PPP1R3D: variants seen among roughly 807,000 people sequenced by gnomAD.
PPP1R3D encodes the protein PP1 subunit R6.
Under a neutral mutation model 16.3 loss-of-function variants are expected in PPP1R3D, and 27 were observed. That is an observed-to-expected ratio of 1.66 (90% CI 1.22 to 2.29). The LOEUF (loss-of-function observed/expected upper bound fraction) is 2.29. PPP1R3D is among the 30% of genes most tolerant of loss of function. PPP1R3D has a pLI of 0.00. For missense variants in PPP1R3D, 472 were observed against 438.3 expected (o/e 1.08, Z -0.69); for synonymous variants, 223 against 209.7 (o/e 1.06, Z -0.55).
rs763363814 is a variant in PPP1R3D at position 59,939,530 on chromosome 20, C to G, written c.402G>C (p.Arg134=). The G allele has an allele frequency of 1.4e-5, 22 of 1,611,910 alleles. 1 individual carries two copies. In the African/African-American group the frequency reaches 1.9e-4, roughly 14 times the overall value. The stretch of plus-strand genomic sequence containing the variant: ...AGCACAGGTCCGAGTTGATTGCGAG[C>G]CGCGACAGCACGTGCAGCGGCACGG... ...DPSVPLHVLS[R]LAINSDLCCS... is the part of the protein sequence containing the mutation. Residue 134 remains arginine (R), a synonymous_variant, in exon 1 of 1, where the codon CGG becomes CGC. Transcript: ENST00000370996.
chr20:59,939,159 C>G lies in PPP1R3D; in HGVS notation c.773G>C (p.Arg258Pro). ...GTACTCGGCACCCGCCACTTGGTAG[C>G]GCACCGCGAAGTGCACGCGGGAGCC... ...ELGSRVHFAV[R>P]YQVAGAEYWD... is the part of the protein sequence containing the mutation. The change falls in exon 1 of 1, where the codon CGC becomes CCC. Residue 258 changes from arginine (R) to proline (P), a missense_variant. By Grantham distance (103) the Arg-to-Pro change is moderately radical. Coordinates refer to ENST00000370996, the MANE Select transcript of PPP1R3D (RefSeq NM_006242.4). 1 of 1,611,478 alleles carries G rather than the reference C, an allele frequency of 6.2e-7. No homozygotes were observed. The highest frequency in any genetic ancestry group is 1.1e-5 in the South Asian group (1 of 91,012).
Position 59,939,826 on chromosome 20 carries a change from G to A in PPP1R3D, c.106C>T (p.Leu36=). The change falls in exon 1 of 1, where the codon CTG becomes TTG. Residue 36 remains leucine, a synonymous_variant. Transcript: ENST00000370996. The part of the protein sequence containing the change: ...CLSDLDGGVA[L]EPRACRPPGS... ...GGGGGCCTACAGGCCCGCGGCTCCA[G>A]GGCCACGCCGCCGTCCAGGTCCGAC... is the stretch of plus-strand genomic sequence containing the variant. The A allele has an allele frequency of 2.4e-6, 3 of 1,237,242 alleles. No homozygotes were observed. The highest frequency in any genetic ancestry group is 3.0e-6 in the Non-Finnish European group (3 of 991,224). 76.6% of individuals were successfully genotyped at this position (1,237,242 alleles called of 1,614,324 possible). A position where few individuals can be genotyped will look rare whatever the true frequency, so the allele number is the denominator to read the frequency against.
Position 59,939,731 on chromosome 20 carries a change from G to C in PPP1R3D, c.201C>G (p.Ile67Met), listed in dbSNP as rs762410749. Residue 67 changes from isoleucine to methionine, a missense_variant, in exon 1 of 1, where the codon ATC becomes ATG. Coordinates refer to ENST00000370996, the MANE Select transcript of PPP1R3D (RefSeq NM_006242.4). ...PSGCDPRLRP[I>M]ILRRARSLPS... The stretch of plus-strand genomic sequence containing the variant: ...GCAGTGAGCGCGCCCGCCGCAGGAT[G>C]ATGGGCCGCAGGCGGGGGTCGCAGC... The C allele has an allele frequency of 1.0e-5, 13 of 1,255,770 alleles. No individual in the cohort carries two copies. The Admixed American group carries it at 1.3e-4, about 12-fold the overall frequency. 77.8% of individuals were successfully genotyped at this position (1,255,770 alleles called of 1,614,324 possible). A position where few individuals can be genotyped will look rare whatever the true frequency, so the allele number is the denominator to read the frequency against.
chr20:59,939,711 G>A lies in PPP1R3D; in HGVS notation c.221C>T (p.Ser74Leu). The change falls in exon 1 of 1, where the codon TCA (serine) becomes TTA (leucine). Residue 74 changes from serine (S) to leucine (L), a missense_variant. Ser to Leu is a moderately radical substitution (Grantham distance 145). Transcript: ENST00000370996. ...GCGGCGCTCGGGGGAGCTGGGCAGT[G>A]AGCGCGCCCGCCGCAGGATGATGGG... The part of the protein sequence containing the change: ...LRPIILRRAR[S>L]LPSSPERRQK... 6 of 1,323,310 alleles carry A rather than the reference G, an allele frequency of 4.5e-6. No individual in the cohort carries two copies. The highest frequency in any genetic ancestry group is 5.8e-6 in the Non-Finnish European group (6 of 1,043,240). 82.0% of individuals were successfully genotyped at this position (1,323,310 alleles called of 1,614,324 possible). A position where few individuals can be genotyped will look rare whatever the true frequency, so the allele number is the denominator to read the frequency against.
chr20:59,936,776 T>G lies in PPP1R3D; in HGVS notation c.*2256A>C, dbSNP rs1479192127. On this transcript the variant is annotated 3_prime_UTR_variant, in exon 1 of 1. Coordinates refer to ENST00000370996, the MANE Select transcript of PPP1R3D (RefSeq NM_006242.4). The stretch of plus-strand genomic sequence containing the variant: ...GACAAGAAGTTTCTAAAGCTTGGTC[T>G]TCTGTAATTAGGCCACAAGAAAAAC... The G allele has an allele frequency of 6.6e-6, 1 of 152,222 alleles. No individual in the cohort carries two copies. The highest frequency in any genetic ancestry group is 6.5e-5 in the Admixed American group (1 of 15,286). 9.4% of individuals were successfully genotyped at this position (152,222 alleles called of 1,614,324 possible).
Position 59,939,108 on chromosome 20 carries a change from T to A in PPP1R3D, c.824A>T (p.Tyr275Phe). 4.4e-6 allele frequency: 7 copies of A among 1,601,656 alleles called. No homozygotes were observed. Among genetic ancestry groups the A allele is most frequent in the Non-Finnish European group, 5.9e-6 (7 of 1,176,644 alleles). Residue 275 changes from tyrosine (Y) to phenylalanine (F), a missense_variant, in exon 1 of 1, where the codon TAC (tyrosine) becomes TTC (phenylalanine). By Grantham distance (22) the Tyr-to-Phe change is conservative. Coordinates refer to ENST00000370996, the MANE Select transcript of PPP1R3D (RefSeq NM_006242.4). ...EYWDNNDHRD[Y>F]SLTCRNHALH... ...CGCGTGGTTGCGACATGTGAGGCTG[T>A]AGTCTCGGTGGTCGTTGTTGTCCCA... is the stretch of plus-strand genomic sequence containing the variant.
rs1424665969 is a variant in PPP1R3D, at chr20:59,939,113, T to C, written c.819A>G (p.Arg273=). ...GGTTGCGACATGTGAGGCTGTAGTC[T>C]CGGTGGTCGTTGTTGTCCCAGTACT... ...GAEYWDNNDH[R]DYSLTCRNHA... The change falls in exon 1 of 1, where the codon CGA becomes CGG. Residue 273 remains arginine, a synonymous_variant. Transcript: ENST00000370996. 3 of 1,602,946 alleles carry C rather than the reference T, an allele frequency of 1.9e-6. No homozygotes were observed. Among genetic ancestry groups the C allele is most frequent in the African/African-American group, 1.3e-5 (1 of 74,762 alleles).
At position 59,939,632 on chromosome 20, in the gene PPP1R3D, C is replaced by T. The variant is rs756336001; in HGVS notation, c.300G>A (p.Lys100=). Residue 100 remains lysine (K), a synonymous_variant, in exon 1 of 1, where the codon AAG becomes AAA. Transcript: ENST00000370996. ...GAACRPGCSQ[K]LRVRFADALG... ...GGGCGTCGGCGAAGCGCACGCGGAG[C>T]TTCTGGCTGCAGCCCGGCCGACACG... 2 of 1,576,644 alleles carry T rather than the reference C, an allele frequency of 1.3e-6. No individual in the cohort carries two copies. Among genetic ancestry groups the T allele is most frequent in the South Asian group, 2.3e-5 (2 of 86,806 alleles).
At position 59,939,978 on chromosome 20, in the gene PPP1R3D, C is replaced by G. The variant is rs770417212; in HGVS notation, c.-47G>C. The G allele has an allele frequency of 3.9e-5, 48 of 1,243,326 alleles. No homozygotes were observed. Among genetic ancestry groups the G allele is most frequent in the Admixed American group, 4.0e-5 (1 of 25,042 alleles). 77.0% of individuals were successfully genotyped at this position (1,243,326 alleles called of 1,614,324 possible). ...ATGAGGCAGGGATGAGAGACGACCT[C>G]CCGACCCCGCGACAGCTCCCTCCGT... On this transcript the variant is annotated 5_prime_UTR_variant, in exon 1 of 1. Transcript: ENST00000370996.
At position 59,938,982 on chromosome 20, in the gene PPP1R3D, G is replaced by C; in HGVS notation, c.*50C>G. ...GTGAGAGCCCAGCAGGGAAATGACAGGAGGCGCAGCTTAGGTGTGGAGGCT... is the reference window on the plus strand; with the variant it reads ...GTGAGAGCCCAGCAGGGAAATGACACGAGGCGCAGCTTAGGTGTGGAGGCT... On this transcript the variant is annotated 3_prime_UTR_variant, in exon 1 of 1. Transcript: ENST00000370996. 3 of 1,445,988 alleles carry C rather than the reference G, an allele frequency of 2.1e-6. No homozygotes were observed. Among genetic ancestry groups the C allele is most frequent in the Non-Finnish European group, 2.7e-6 (3 of 1,099,518 alleles). The allele number at this position is 1,445,988 out of a possible 1,614,324, so 89.6% of individuals were successfully genotyped here.
chr20:59,938,201 C>G lies in PPP1R3D; in HGVS notation c.*831G>C, dbSNP rs1244797382. 6.6e-6 allele frequency: 1 copy of G among 152,206 alleles called. No homozygotes were observed. The highest frequency in any genetic ancestry group is 1.9e-4 in the East Asian group (1 of 5,196). 9.4% of individuals were successfully genotyped at this position (152,206 alleles called of 1,614,324 possible). ...CAAGACTTCTTAAAATGCTTAGTTT[C>G]AAACTTAAACAGAATGGCCTGATAA... On this transcript the variant is annotated 3_prime_UTR_variant, in exon 1 of 1. Coordinates refer to ENST00000370996, the MANE Select transcript of PPP1R3D (RefSeq NM_006242.4).
At position 59,939,816 on chromosome 20, in the gene PPP1R3D, C is replaced by G. The variant is rs1189717233; in HGVS notation, c.116G>C (p.Arg39Pro). The G allele has an allele frequency of 8.1e-7, 1 of 1,235,188 alleles. No individual in the cohort carries two copies. Among genetic ancestry groups the G allele is most frequent in the Non-Finnish European group, 1.0e-6 (1 of 990,186 alleles). 76.5% of individuals were successfully genotyped at this position (1,235,188 alleles called of 1,614,324 possible). A position where few individuals can be genotyped will look rare whatever the true frequency, so the allele number is the denominator to read the frequency against. ...DLDGGVALEP[R>P]ACRPPGSPGR... is the part of the protein sequence containing the mutation. The stretch of plus-strand genomic sequence containing the variant: ...CGGGCTCCCAGGGGGCCTACAGGCC[C>G]GCGGCTCCAGGGCCACGCCGCCGTC... Residue 39 changes from arginine (R) to proline (P), a missense_variant, in exon 1 of 1, where the codon CGG becomes CCG. Physicochemically the swap from Arg to Pro is moderately radical, Grantham distance 103. Transcript: ENST00000370996.
rs759003138 is a variant in PPP1R3D, at chr20:59,939,029, G to C, written c.*3C>G. The stretch of plus-strand genomic sequence containing the variant: ...GGCTCCAGGTGGCCGGTCCCCGCGC[G>C]GCTCAGATGAAGTGGATCCAGCTCT... On this transcript the variant is annotated 3_prime_UTR_variant, in exon 1 of 1. Transcript: ENST00000370996. 3 of 1,514,458 alleles carry C rather than the reference G, an allele frequency of 2.0e-6. No individual in the cohort carries two copies. Among genetic ancestry groups the C allele is most frequent in the Non-Finnish European group, 1.8e-6 (2 of 1,133,566 alleles). 93.8% of individuals were successfully genotyped at this position (1,514,458 alleles called of 1,614,324 possible). A position where few individuals can be genotyped will look rare whatever the true frequency, so the allele number is the denominator to read the frequency against.
rs966837374 is a variant in PPP1R3D, at chr20:59,940,111, G to A, written c.-180C>T. The A allele has an allele frequency of 4.6e-6, 2 of 436,070 alleles. No individual in the cohort carries two copies. The highest frequency in any genetic ancestry group is 2.0e-5 in the African/African-American group (1 of 48,884). The allele number at this position is 436,070 out of a possible 1,614,324, so 27.0% of individuals were successfully genotyped here. On this transcript the variant is annotated 5_prime_UTR_variant, in exon 1 of 1. Transcript: ENST00000370996. ...ACCTTGCTCCTCGAGTCCTTGTCCA[G>A]GTCCTCCGCTTCTTGCGGTTAAAGA...
Position 59,939,776 on chromosome 20 carries a change from C to A in PPP1R3D, c.156G>T (p.Pro52=), listed in dbSNP as rs532873427. The part of the protein sequence containing the change: ...RPPGSPGRAP[P]PTPAPSGCDP... Reference sequence around the variant, plus strand: ...CGCAGCCCGACGGCGCTGGCGTTGGCGGCGGCGCGCGGCCCGGGCTCCCAG... The same window carrying A: ...CGCAGCCCGACGGCGCTGGCGTTGGAGGCGGCGCGCGGCCCGGGCTCCCAG... The change falls in exon 1 of 1, where the codon CCG becomes CCT. Residue 52 remains proline, a synonymous_variant. Transcript: ENST00000370996. The A allele has an allele frequency of 2.1e-5, 26 of 1,223,170 alleles. No homozygotes were observed. The highest frequency in any genetic ancestry group is 2.6e-5 in the Non-Finnish European group (26 of 982,680). The allele number at this position is 1,223,170 out of a possible 1,614,324, so 75.8% of individuals were successfully genotyped here.
Position 59,939,433 on chromosome 20 carries a change from C to T in PPP1R3D, c.499G>A (p.Asp167Asn), listed in dbSNP as rs557669925. The T allele has an allele frequency of 3.1e-6, 5 of 1,611,312 alleles. No individual in the cohort carries two copies. The African/African-American group carries it at 4.0e-5, about 13-fold the overall frequency. ...PDFPPPVEAA[D>N]FGERLQRQLV... ...TGCCGCTGCAGGCGCTCGCCAAAGT[C>T]GGCGGCCTCGACGGGCGGCGGGAAA... The change falls in exon 1 of 1, where the codon GAC becomes AAC. Residue 167 changes from aspartate (D) to asparagine (N), a missense_variant. Physicochemically the swap from Asp to Asn is conservative, Grantham distance 23. Transcript: ENST00000370996.
Position 59,938,846 on chromosome 20 carries a change from A to C in PPP1R3D, c.*186T>G. The stretch of plus-strand genomic sequence containing the variant: ...GCCACCTGAGGCTACTTTTTAGACC[A>C]AGTGACTCAGACGTTTCAAGTAGAA... On this transcript the variant is annotated 3_prime_UTR_variant, in exon 1 of 1. Transcript: ENST00000370996. 1 of 490,886 alleles carries C rather than the reference A, an allele frequency of 2.0e-6. No homozygotes were observed. The highest frequency in any genetic ancestry group is 6.3e-5 in the South Asian group (1 of 15,786). The allele number at this position is 490,886 out of a possible 1,614,324, so 30.4% of individuals were successfully genotyped here.
At position 59,939,715 on chromosome 20, in the gene PPP1R3D, G is replaced by C; in HGVS notation, c.217C>G (p.Arg73Gly). 5 of 1,318,524 alleles carry C rather than the reference G, an allele frequency of 3.8e-6. No homozygotes were observed. The highest frequency in any genetic ancestry group is 3.8e-6 in the Non-Finnish European group (4 of 1,040,348). The allele number at this position is 1,318,524 out of a possible 1,614,324, so 81.7% of individuals were successfully genotyped here. ...RLRPIILRRARSLPSSPERRQ... is the reference protein window; with the variant it reads ...RLRPIILRRAGSLPSSPERRQ... The stretch of plus-strand genomic sequence containing the variant: ...CGCTCGGGGGAGCTGGGCAGTGAGC[G>C]CGCCCGCCGCAGGATGATGGGCCGC... The change falls in exon 1 of 1, where the codon CGC becomes GGC. Residue 73 changes from arginine (R) to glycine (G), a missense_variant. Arg to Gly is a moderately radical substitution (Grantham distance 125). Coordinates refer to ENST00000370996, the MANE Select transcript of PPP1R3D (RefSeq NM_006242.4).
rs1292376335 is a variant in PPP1R3D at position 59,939,923 on chromosome 20, T to C, written c.9A>G (p.Arg3=). 10 of 1,260,914 alleles carry C rather than the reference T, an allele frequency of 7.9e-6. No individual in the cohort carries two copies. The highest frequency in any genetic ancestry group is 7.0e-6 in the Non-Finnish European group (7 of 997,604). The allele number at this position is 1,260,914 out of a possible 1,614,324, so 78.1% of individuals were successfully genotyped here. A position where few individuals can be genotyped will look rare whatever the true frequency, so the allele number is the denominator to read the frequency against. The change falls in exon 1 of 1, where the codon AGA becomes AGG. Residue 3 remains arginine, a synonymous_variant. Coordinates refer to ENST00000370996, the MANE Select transcript of PPP1R3D (RefSeq NM_006242.4). MS[R]GPSSAVLPSA... is the part of the protein sequence containing the mutation. Reference sequence around the variant, plus strand: ...TAGGCAGGACCGCGGAGCTCGGGCCTCTGGACATGGCCCCGCCGGCCGTCG... The same window carrying C: ...TAGGCAGGACCGCGGAGCTCGGGCCCCTGGACATGGCCCCGCCGGCCGTCG...
Sources: allele counts gnomAD v4.1 joint callset, GRCh38; gene constraint gnomAD v4.1.1; transcripts MANE v1.5; gene names NCBI Gene and HGNC (gene_info 2026-07-23, HGNC 2026-07-21).